BCO2: variants seen among roughly 807,000 people sequenced by gnomAD.
BCO2 encodes the protein carotenoid-cleaving dioxygenase, mitochondrial.
BCO2 carries 56 observed loss-of-function variants against 65.8 expected under a neutral mutation model. That is an observed-to-expected ratio of 0.85 (90% CI 0.69 to 1.06). The LOEUF is 1.06. Ranked by LOEUF, BCO2 falls within the 50% of genes least tolerant of loss-of-function variation. The pLI is 0.00. For missense variants in BCO2, 675 were observed against 698.5 expected, an observed-to-expected ratio of 0.97 and a Z score of 0.38; for synonymous variants, 233 against 242.3, an observed-to-expected ratio of 0.96 and a Z score of 0.36.
intron 2 of BCO2, chr11:112,182,889 C>T: frequency 1.6e-6 from 2 of 1,273,018 alleles, no homozygotes; most frequent in Non-Finnish European, 1.1e-6. Context: ...AGGAGCATCC[C>T]TGAAACTGTG....
At chr11:112,198,159 G>A (rs933054535) in intron 5 of BCO2, among the ~76,000 whole-genome samples, 2 of 151,948 alleles carry the variant, frequency 1.3e-5, no homozygotes, top group African/African-American at 4.8e-5. Flanking sequence ...AAACAACAAG[G>A]CAAAATAAGA....
chr11:112,191,809 A>G (rs1867398809), intron 2 of BCO2, among the ~76,000 whole-genome samples: 1 of 152,204 alleles, frequency 6.6e-6, no homozygotes, highest in Non-Finnish European at 1.5e-5. Flanking sequence ...GACCAGAAGT[A>G]AACCCAGGAA....
At chr11:112,186,152 C>T (rs958989365) in intron 2 of BCO2, among the ~76,000 whole-genome samples, 2 of 152,166 alleles carry the variant, frequency 1.3e-5, no homozygotes, top group Non-Finnish European at 2.9e-5. Context: ...ACTTCTAATC[C>T]AGCTCCCAGA....
rs1052435302 is a variant in BCO2, at chr11:112,176,780, C to T, written c.88+1091C>T. 8.5e-5 allele frequency among the ~76,000 whole-genome samples: 13 copies of T among 152,182 alleles called. No homozygotes were observed. In the South Asian group the frequency reaches 2.7e-3, roughly 32 times the overall value. On this transcript the variant is annotated intron_variant, in intron 1 of 11. Coordinates refer to ENST00000357685, the MANE Select transcript of BCO2 (RefSeq NM_031938.7). ...GGAAGTATTAACCTCCTTTTATTTC[C>T]ATTTTATCATGGAAAAACCTGAGGC...
chr11:112,182,720 G>A (rs1303192005), intron 2 of BCO2: 5 of 472,608 alleles, frequency 1.1e-5, no homozygotes, highest in Non-Finnish European at 1.5e-5. Flanking sequence ...GGGGGAGCAC[G>A]GAGGGATAGA....
Position 112,199,738 on chromosome 11 carries a change from T to C in BCO2, c.776T>C (p.Val259Ala). 6.2e-7 allele frequency: 1 copy of C among 1,613,836 alleles called. No homozygotes were observed. The highest frequency in any genetic ancestry group is 8.5e-7 in the Non-Finnish European group (1 of 1,179,736). Residue 259 changes from valine to alanine, a missense_variant, in exon 6 of 12, where the codon GTG (valine) becomes GCG (alanine). Val to Ala is a moderately conservative substitution (Grantham distance 64). Coordinates refer to ENST00000357685, the MANE Select transcript of BCO2 (RefSeq NM_031938.7). ...YKVIRVPPEK[V>A]DLGETIHGVQ... is the part of the protein sequence containing the mutation. ...GTTATTCGGGTTCCTCCAGAGAAGG[T>C]GGACCTTGGGGAGACAATCCATGGA...
At chr11:112,179,127 A>C in intron 1 of BCO2, 151 bp from the exon 2 acceptor site, 1 of 637,262 alleles carries the variant, frequency 1.6e-6, no homozygotes, top group Non-Finnish European at 2.6e-6. Flanking sequence ...GGAATGAGGA[A>C]GGAGAGAGAA....
At chr11:112,180,562 A>G (rs1397001556) in intron 2 of BCO2, among the ~76,000 whole-genome samples, 1 of 152,136 alleles carries the variant, frequency 6.6e-6, no homozygotes, top group Admixed American at 6.5e-5. Flanking sequence ...AGGCAGGCTG[A>G]GGAGCCTAGA....
In BCO2 at chr11:112,200,749, T is replaced by C; in HGVS notation, c.1002T>C (p.His334=). The part of the protein sequence containing the change: ...SWEPQCNTRF[H]VVEKRTGQLL... ...AACCCCAGTGTAATACGCGGTTTCA[T>C]GTGGTGGAAAAACGCACTGGACAGG... The change falls in exon 7 of 12, where the codon CAT becomes CAC. Residue 334 remains histidine (H), a synonymous_variant. Transcript: ENST00000357685. The C allele has an allele frequency of 6.2e-7, 1 of 1,613,770 alleles. No homozygotes were observed.
intron 9 of BCO2, 28 bp downstream of exon 9, chr11:112,213,889 G>A (rs752362047): frequency 6.9e-7 from 1 of 1,453,346 alleles, no homozygotes; most frequent in South Asian, 1.3e-5. Flanking sequence ...ATTAGACTAA[G>A]ACTTTGAACT....
At chr11:112,191,048 A>AATATACCAGT (rs1867373464) in intron 2 of BCO2, among the ~76,000 whole-genome samples, 1 of 151,178 alleles carries the variant, frequency 6.6e-6, no homozygotes, top group South Asian at 2.1e-4. Context: ...TACATTGGAA[A>AATATACCAGT]ATATACCAGT....
At chr11:112,192,547 T>C (rs1723748414) in intron 2 of BCO2, among the ~76,000 whole-genome samples, 1 of 152,174 alleles carries the variant, frequency 6.6e-6, no homozygotes, top group Non-Finnish European at 1.5e-5. Flanking sequence ...AGGACAGTTA[T>C]CTTATTTGTC....
rs762463992 is a variant in BCO2 at position 112,217,866 on chromosome 11, CCCATCTG to C, written c.1733_1739del (p.Pro578HisfsTer10). On this transcript the variant is annotated frameshift_variant and stop_lost, in exon 12 of 12. Coordinates refer to ENST00000357685, the MANE Select transcript of BCO2 (RefSeq NM_031938.7). LOFTEE classifies it high-confidence loss of function. Reference sequence around the variant, plus strand: ...TTATGGGTTCCATGGTACCTTCATACCCATCTGATGGGACAACCACAAGGTCTGGAAA... The same window carrying C: ...TTATGGGTTCCATGGTACCTTCATACATGGGACAACCACAAGGTCTGGAAA... 6.2e-7 allele frequency: 1 copy of C among 1,607,650 alleles called. No individual in the cohort carries two copies. Among genetic ancestry groups the C allele is most frequent in the South Asian group, 1.1e-5 (1 of 90,644 alleles).
In BCO2 at chr11:112,175,561, G is replaced by T; in HGVS notation, c.-41G>T. 6.8e-7 allele frequency: 1 copy of T among 1,480,022 alleles called. No individual in the cohort carries two copies. The highest frequency in any genetic ancestry group is 9.5e-7 in the Non-Finnish European group (1 of 1,058,140). The allele number at this position is 1,480,022 out of a possible 1,614,324, so 91.7% of individuals were successfully genotyped here. ...TTTAGTAGTACTCAAAACTGCCAGT[G>T]TGAGAGGATTTGGAAATCACTGGAT... On this transcript the variant is annotated 5_prime_UTR_variant, in exon 1 of 12. Transcript: ENST00000357685.
intron 5 of BCO2, among the ~76,000 whole-genome samples, chr11:112,197,365 T>C (rs1370018879): frequency 6.6e-6 from 1 of 151,996 alleles, no homozygotes; most frequent in Non-Finnish European, 1.5e-5. Flanking sequence ...CTGGACAATA[T>C]AGCAAGACCT....
rs776651909 is a variant in BCO2, at chr11:112,217,822, A to C, written c.1688A>C (p.Glu563Ala). 1 of 1,614,200 alleles carries C rather than the reference A, an allele frequency of 6.2e-7. No individual in the cohort carries two copies. Among genetic ancestry groups the C allele is most frequent in the African/African-American group, 1.3e-5 (1 of 75,064 alleles). Reference sequence around the variant, plus strand: ...AACTTTGAAGAGCTGGGCCGAGCAGAGGTACCTGTGCAGATGCCTTATGGG... The same window carrying C: ...AACTTTGAAGAGCTGGGCCGAGCAGCGGTACCTGTGCAGATGCCTTATGGG... The part of the protein sequence containing the change: ...AKNFEELGRA[E>A]VPVQMPYGFH... Residue 563 changes from glutamate (E) to alanine (A), a missense_variant, in exon 12 of 12, where the codon GAG becomes GCG. Transcript: ENST00000357685.
chr11:112,191,268 T>G (rs1867381551), intron 2 of BCO2, among the ~76,000 whole-genome samples: 1 of 152,026 alleles, frequency 6.6e-6, no homozygotes, highest in African/African-American at 2.4e-5. Flanking sequence ...CCATAGAGGA[T>G]CAATGATAAA....
intron 7 of BCO2, among the ~76,000 whole-genome samples, chr11:112,201,796 T>A (rs1417053061): frequency 6.6e-6 from 1 of 152,212 alleles, no homozygotes; most frequent in Non-Finnish European, 1.5e-5. Context: ...TTGATTGGTC[T>A]ATATCAAATA....
At chr11:112,199,009 G>A (rs936275202) in intron 5 of BCO2, among the ~76,000 whole-genome samples, 1 of 152,034 alleles carries the variant, frequency 6.6e-6, no homozygotes, top group Non-Finnish European at 1.5e-5. Flanking sequence ...TGCAGAACGT[G>A]CAGGTTTGTT....
Sources: gnomAD v4.1 joint callset for allele counts (sites outside exome capture counted in the v4.1 genomes callset) on GRCh38, gnomAD v4.1.1 for gene constraint, MANE v1.5 for transcripts, NCBI Gene and HGNC (gene_info 2026-07-23, HGNC 2026-07-21) for gene names.